COLEC12: variants seen among roughly 807,000 people sequenced by gnomAD.
The protein encoded by COLEC12 is collectin subfamily member 12.
In COLEC12, 33 loss-of-function variants were observed where a neutral mutation model predicts 71.1. The observed-to-expected ratio is 0.46, with a 90% CI of 0.35 to 0.62. The LOEUF is 0.62. Ranked by LOEUF, COLEC12 falls within the 20% of genes least tolerant of loss-of-function variation. The probability of loss-of-function intolerance (pLI) is 0.00; values close to 1 mark genes in which losing one functional copy is unlikely to be tolerated. For synonymous variants in COLEC12, 350 were observed against 353.0 expected (o/e 0.99, Z 0.10); for missense variants, 765 against 916.1 (o/e 0.84, Z 2.13).
chr18:322,193 T>TACACACACAC lies in COLEC12; in HGVS notation c.2064-396_2064-387dup, dbSNP rs34440882. On this transcript the variant is annotated intron_variant, in intron 8 of 9. Transcript: ENST00000400256. ...ATATCTATTCATTATGAGGACATGA[T>TACACACACAC]ACACACACACACACACACACACGCA... Among the ~76,000 whole-genome samples the TACACACACAC allele has an allele frequency of 2.0e-3, 301 of 149,800 alleles. 1 individual carries two copies. The Middle Eastern group carries it at 0.021, about 10-fold the overall frequency.
intron 2 of COLEC12, among the ~76,000 whole-genome samples, chr18:407,077 A>C (rs1240676397): frequency 6.6e-6 from 1 of 152,234 alleles, no homozygotes; most frequent in Admixed American, 6.5e-5. Context: ...GCTGAGGGAA[A>C]CACAGGGGTG....
intron 2 of COLEC12, among the ~76,000 whole-genome samples, chr18:457,836 C>T (rs1425089032): frequency 6.6e-6 from 1 of 152,192 alleles, no homozygotes; most frequent in East Asian, 1.9e-4. Context: ...CCAACAAAAG[C>T]TGGATCCTTG....
chr18:346,837 A>T lies in COLEC12; in HGVS notation c.785T>A (p.Val262Glu). The T allele has an allele frequency of 6.2e-7, 1 of 1,614,174 alleles. No individual in the cohort carries two copies. Among genetic ancestry groups the T allele is most frequent in the Non-Finnish European group, 8.5e-7 (1 of 1,180,010 alleles). The part of the protein sequence containing the change: ...KKDTDWLKEK[V>E]QSLQTLAANN... ...GGCAGCCAGCGTCTGCAAGCTCTGC[A>T]CTTTCTCCTTCAGCCAATCCGTGTC... The change falls in exon 5 of 10, where the codon GTG becomes GAG. Residue 262 changes from valine (V) to glutamate (E), a missense_variant. Physicochemically the swap from Val to Glu is moderately radical, Grantham distance 121 (BLOSUM62 -2). Coordinates refer to ENST00000400256, the MANE Select transcript of COLEC12 (RefSeq NM_130386.3). This position sits in a 1 kb window ranked among gnomAD's most constrained non-coding sequence, Gnocchi z 4.0.
intron 2 of COLEC12, among the ~76,000 whole-genome samples, chr18:443,749 T>C (rs1916591452): frequency 6.6e-6 from 1 of 152,162 alleles, no homozygotes; most frequent in Non-Finnish European, 1.5e-5. Flanking sequence ...CCAAATCTCA[T>C]GTTGAAATGT....
chr18:481,730 T>A (rs2143773717), intron 1 of COLEC12, among the ~76,000 whole-genome samples: 1 of 151,792 alleles, frequency 6.6e-6, no homozygotes, highest in Middle Eastern at 3.4e-3. Flanking sequence ...GGGAGAGATG[T>A]TTTATCACCC....
At chr18:383,388 G>A (rs550817601) in intron 2 of COLEC12, among the ~76,000 whole-genome samples, 1 of 152,172 alleles carries the variant, frequency 6.6e-6, no homozygotes, top group Admixed American at 6.5e-5. Context: ...GAGGGAGTGA[G>A]GTCTCAGGAG....
At chr18:421,668 T>C (rs1240782811) in intron 2 of COLEC12, among the ~76,000 whole-genome samples, 2 of 152,188 alleles carry the variant, frequency 1.3e-5, no homozygotes, top group African/African-American at 4.8e-5. Context: ...GAAAGGACTC[T>C]GCCACCCAGA....
chr18:328,367 A>G (rs146512165), intron 8 of COLEC12, among the ~76,000 whole-genome samples: 1 of 152,210 alleles, frequency 6.6e-6, no homozygotes, highest in Non-Finnish European at 1.5e-5. Context: ...GACCCTTGAG[A>G]GCCTGAAGCC....
At chr18:484,734 A>T (rs1425981477) in intron 1 of COLEC12, among the ~76,000 whole-genome samples, 1 of 152,216 alleles carries the variant, frequency 6.6e-6, no homozygotes, top group Non-Finnish European at 1.5e-5. Context: ...TGTTTTCAAA[A>T]GTTGACTTTA....
At position 480,334 on chromosome 18, in the gene COLEC12, T is replaced by C. The variant is rs1280319253; in HGVS notation, c.58+373A>G. Among the ~76,000 whole-genome samples, 1 of 152,210 alleles carries C rather than the reference T, an allele frequency of 6.6e-6. No homozygotes were observed. Among genetic ancestry groups the C allele is most frequent in the Non-Finnish European group, 1.5e-5 (1 of 68,038 alleles). ...ATCCATGAACACTGGGTTAGGAGTG[T>C]AAGGCCTGAGCAAAGACGTTTTCTG... On this transcript the variant is annotated intron_variant, in intron 2 of 9. Transcript: ENST00000400256. The surrounding 1 kb of genome is among the most constrained non-coding windows in gnomAD (Gnocchi z 4.1).
At chr18:490,189 G>C (rs948952235) in intron 1 of COLEC12, among the ~76,000 whole-genome samples, 1 of 152,232 alleles carries the variant, frequency 6.6e-6, no homozygotes, top group African/African-American at 2.4e-5. Flanking sequence ...CACCTGGAGA[G>C]AGAGAATCAC....
chr18:358,706 C>T (rs1914680395), intron 2 of COLEC12, among the ~76,000 whole-genome samples: 2 of 152,086 alleles, frequency 1.3e-5, no homozygotes, highest in South Asian at 4.1e-4. Context: ...GGTCCATGGC[C>T]CTGGGGGTTG....
At chr18:350,773 C>CA (rs1428634236) in intron 3 of COLEC12, among the ~76,000 whole-genome samples, 1 of 151,816 alleles carries the variant, frequency 6.6e-6, no homozygotes, top group Non-Finnish European at 1.5e-5. Context: ...ACTAAAAATA[C>CA]AAAAATTAGC....
At chr18:406,120 C>T (rs1031396629) in intron 2 of COLEC12, among the ~76,000 whole-genome samples, 1 of 152,122 alleles carries the variant, frequency 6.6e-6, no homozygotes, top group African/African-American at 2.4e-5. Flanking sequence ...TTACAGATGC[C>T]ATGGCAACAT....
chr18:397,540 C>A (rs1915596883), intron 2 of COLEC12, among the ~76,000 whole-genome samples: 1 of 152,120 alleles, frequency 6.6e-6, no homozygotes, highest in South Asian at 2.1e-4. Context: ...CACATCAGAT[C>A]ATCAGTCTTT....
At chr18:489,934 G>A (rs1008837977) in intron 1 of COLEC12, among the ~76,000 whole-genome samples, 18 of 152,160 alleles carry the variant, frequency 1.2e-4, no homozygotes, top group South Asian at 4.1e-4. Context: ...GGAGAGATAC[G>A]GGGGCCATGG....
intron 3 of COLEC12, among the ~76,000 whole-genome samples, chr18:350,547 T>C (rs1914491192): frequency 6.6e-6 from 1 of 152,194 alleles, no homozygotes; most frequent in Admixed American, 6.5e-5. Context: ...TAAGAGGATG[T>C]TTCTCCAAAA....
rs115886215 is a variant in COLEC12, at chr18:366,560, G to A, written c.59-9038C>T. On this transcript the variant is annotated intron_variant, in intron 2 of 9. Transcript: ENST00000400256. Reference sequence around the variant, plus strand: ...CCATGATCTTCATAGCTACCTCCTTGTACAGGCATGAGGGTTTTGTTTTTC... The same window carrying A: ...CCATGATCTTCATAGCTACCTCCTTATACAGGCATGAGGGTTTTGTTTTTC... Among the ~76,000 whole-genome samples, 855 of 152,232 alleles carry A rather than the reference G, an allele frequency of 5.6e-3. 4 individuals carry two copies. Among genetic ancestry groups the A allele is most frequent in the African/African-American group, 0.018 (752 of 41,536 alleles).
At chr18:323,191 A>C (rs934987251) in intron 8 of COLEC12, among the ~76,000 whole-genome samples, 1 of 152,128 alleles carries the variant, frequency 6.6e-6, no homozygotes, top group Non-Finnish European at 1.5e-5. Context: ...ATGCCACTGC[A>C]CTCCAGCCTG....
Sources: gnomAD v4.1 joint callset for allele counts (sites outside exome capture counted in the v4.1 genomes callset) on GRCh38, gnomAD v4.1.1 for gene constraint, Gnocchi (gnomAD v3.1) non-coding constraint, MANE v1.5 for transcripts, NCBI Gene and HGNC (gene_info 2026-07-23, HGNC 2026-07-21) for gene names.